The following RRAGC variants were observed in gnomAD, a reference collection of about 807,000 sequenced individuals.
RRAGC encodes the protein ras-related GTP-binding protein C.
In RRAGC, 8 loss-of-function variants were observed where a neutral mutation model predicts 37.1. The observed-to-expected ratio is 0.22, with a 90% confidence interval of 0.13 to 0.39. The LOEUF is 0.39. RRAGC is among the 10% of genes least tolerant of loss of function. The pLI, the probability that RRAGC is intolerant of heterozygous loss-of-function variation, is 1.00. For synonymous variants in RRAGC, 190 were observed against 181.1 expected, an observed-to-expected ratio of 1.05 and a Z score of -0.39; for missense variants, 342 against 497.6, an observed-to-expected ratio of 0.69 and a Z score of 2.98.
At position 38,859,685 on chromosome 1, in the gene RRAGC, G is replaced by A. The variant is rs1483249190; in HGVS notation, c.-39C>T. The stretch of plus-strand genomic sequence containing the variant: ...CCGCCGCCCGCGCCCTGACAGGCCA[G>A]GCCAGGCCGAGCCAGGCCGCCGCCT... On this transcript the variant is annotated 5_prime_UTR_variant, in exon 1 of 7. Coordinates refer to ENST00000373001, the MANE Select transcript of RRAGC (RefSeq NM_022157.4). The A allele has an allele frequency of 2.1e-6, 3 of 1,446,284 alleles. No individual in the cohort carries two copies. Among genetic ancestry groups the A allele is most frequent in the Non-Finnish European group, 2.7e-6 (3 of 1,098,494 alleles). The allele number at this position is 1,446,284 out of a possible 1,614,324, so 89.6% of individuals were successfully genotyped here.
intron 3 of RRAGC, among the ~76,000 whole-genome samples, chr1:38,855,199 C>T (rs1277054403): frequency 6.6e-6 from 1 of 151,860 alleles, no homozygotes; most frequent in Non-Finnish European, 1.5e-5. Context: ...TACAGTCAGT[C>T]CAGGGGGGAG....
At chr1:38,850,154 T>C (rs1325436167) in intron 5 of RRAGC, among the ~76,000 whole-genome samples, 2 of 150,940 alleles carry the variant, frequency 1.3e-5, no homozygotes, top group Non-Finnish European at 3.0e-5. Flanking sequence ...TGCAGTGAGC[T>C]GAGATCTCAC....
chr1:38,842,221 G>A (rs931207064), intron 6 of RRAGC, among the ~76,000 whole-genome samples: 7 of 152,122 alleles, frequency 4.6e-5, no homozygotes, highest in South Asian at 2.1e-4. Flanking sequence ...GCAGTGAGCC[G>A]AGATCGCACC....
chr1:38,849,983 G>A (rs1426227745), intron 5 of RRAGC, among the ~76,000 whole-genome samples: 7 of 151,356 alleles, frequency 4.6e-5, no homozygotes, highest in Non-Finnish European at 1.0e-4. Context: ...ACGGCGGGTG[G>A]ATCACGAGGT....
At chr1:38,843,063 C>T (rs573884534) in intron 6 of RRAGC, among the ~76,000 whole-genome samples, 1 of 152,286 alleles carries the variant, frequency 6.6e-6, no homozygotes, top group South Asian at 2.1e-4. Context: ...AGGCAGTTGG[C>T]TCTCATCTAT....
Position 38,852,158 on chromosome 1 carries a change from A to G in RRAGC, c.756+216T>C, listed in dbSNP as rs551957617. Reference sequence around the variant, plus strand: ...GGCGTTATGTGGCAATTTACAAACCATAAAAGAATTACACGTTGACATCAA... The same window carrying G: ...GGCGTTATGTGGCAATTTACAAACCGTAAAAGAATTACACGTTGACATCAA... On this transcript the variant is annotated intron_variant, in intron 4 of 6. Coordinates refer to ENST00000373001, the MANE Select transcript of RRAGC (RefSeq NM_022157.4). 6.2e-4 allele frequency among the ~76,000 whole-genome samples: 94 copies of G among 152,252 alleles called. 1 individual carries two copies. Among genetic ancestry groups the G allele is most frequent in the Non-Finnish European group, 2.4e-4 (16 of 68,042 alleles).
At chr1:38,841,764 G>C (rs1259126106) in intron 6 of RRAGC, among the ~76,000 whole-genome samples, 2 of 151,878 alleles carry the variant, frequency 1.3e-5, no homozygotes, top group East Asian at 3.9e-4. Context: ...TGTGAAGACT[G>C]CTTGAGCTCA....
chr1:38,852,214 AATAAT>A (rs1370563965), intron 4 of RRAGC, among the ~76,000 whole-genome samples, 155 bp downstream of exon 4: 1 of 152,234 alleles, frequency 6.6e-6, no homozygotes, highest in Non-Finnish European at 1.5e-5. Context: ...AAATAACTTG[AATAAT>A]ATGTTATCAT....
intron 1 of RRAGC, among the ~76,000 whole-genome samples, chr1:38,857,677 G>C (rs921418386): frequency 2.0e-5 from 3 of 152,162 alleles, no homozygotes; most frequent in African/African-American, 7.2e-5. Context: ...CACAATAATC[G>C]GCCCGGGTGC....
At chr1:38,843,950 G>A (rs775240685) in intron 6 of RRAGC, among the ~76,000 whole-genome samples, 7 of 152,130 alleles carry the variant, frequency 4.6e-5, no homozygotes, top group Non-Finnish European at 7.3e-5. Context: ...AGAACCTGGA[G>A]TGGAATCACT....
intron 6 of RRAGC, among the ~76,000 whole-genome samples, chr1:38,842,939 ATACTC>A (rs1213025723): frequency 1.3e-5 from 2 of 152,230 alleles, no homozygotes; most frequent in African/African-American, 4.8e-5. Flanking sequence ...CATTTATACA[ATACTC>A]TATTGTTTAA....
intron 5 of RRAGC, chr1:38,847,825 T>G (rs1193986864): frequency 6.6e-6 from 1 of 152,168 alleles, no homozygotes; most frequent in Non-Finnish European, 1.5e-5. Context: ...GAGGATCACT[T>G]TAGCCCTGGA....
At position 38,839,375 on chromosome 1, in the gene RRAGC, T is replaced by C. The variant is rs563228372; in HGVS notation, c.*178A>G. 356 of 482,622 alleles carry C rather than the reference T, an allele frequency of 7.4e-4. 3 individuals carry two copies. Among genetic ancestry groups the C allele is most frequent in the African/African-American group, 6.2e-3 (319 of 51,434 alleles). The allele number at this position is 482,622 out of a possible 1,614,324, so 29.9% of individuals were successfully genotyped here. On this transcript the variant is annotated 3_prime_UTR_variant, in exon 7 of 7. Transcript: ENST00000373001. ...CCATTTTCAAAAAAGATATAGTAGCTTCAGTTGTACACCACCAGTTGAAGG... is the reference window on the plus strand; with the variant it reads ...CCATTTTCAAAAAAGATATAGTAGCCTCAGTTGTACACCACCAGTTGAAGG...
chr1:38,848,137 A>G (rs925223284), intron 5 of RRAGC: 2 of 152,134 alleles, frequency 1.3e-5, no homozygotes, highest in African/African-American at 4.8e-5. Flanking sequence ...AATTCCATGC[A>G]GTTTCCAGTA....
At chr1:38,856,616 C>G (rs998320358) in intron 2 of RRAGC, 1 of 301,898 alleles carries the variant, frequency 3.3e-6, no homozygotes, top group Non-Finnish European at 6.0e-6. Flanking sequence ...AATATGGCAA[C>G]CAATAAAAGT....
intron 2 of RRAGC, among the ~76,000 whole-genome samples, chr1:38,856,485 T>G (rs1056618307): frequency 2.0e-5 from 3 of 152,222 alleles, no homozygotes; most frequent in Non-Finnish European, 4.4e-5. Flanking sequence ...AAACTCAATT[T>G]TGACAATTAA....
rs1469228105 is a variant in RRAGC, at chr1:38,839,317, T to C, written c.*236A>G. 5 of 413,904 alleles carry C rather than the reference T, an allele frequency of 1.2e-5. No individual in the cohort carries two copies. Among genetic ancestry groups the C allele is most frequent in the East Asian group, 7.0e-5 (2 of 28,412 alleles). The allele number at this position is 413,904 out of a possible 1,614,324, so 25.6% of individuals were successfully genotyped here. A position where few individuals can be genotyped will look rare whatever the true frequency, so the allele number is the denominator to read the frequency against. On this transcript the variant is annotated 3_prime_UTR_variant, in exon 7 of 7. Transcript: ENST00000373001. ...AGAGGAGAAACACACACTTGAGTTC[T>C]GTGGTCTCCAGAATTTTTTTTTTTT...
At chr1:38,856,067 CAATT>C (rs1456030663) in intron 2 of RRAGC, among the ~76,000 whole-genome samples, 160 bp from the exon 3 acceptor site, 1 of 152,082 alleles carries the variant, frequency 6.6e-6, no homozygotes, top group Non-Finnish European at 1.5e-5. Flanking sequence ...AATAACTCTT[CAATT>C]GTCTCAAGAT....
At position 38,859,440 on chromosome 1, in the gene RRAGC, G is replaced by A. The variant is rs1245478603; in HGVS notation, c.207C>T (p.Leu69=). The A allele has an allele frequency of 4.5e-6, 7 of 1,548,340 alleles. No individual in the cohort carries two copies. The highest frequency in any genetic ancestry group is 6.1e-6 in the Non-Finnish European group (7 of 1,146,632). ...GGATGGAGGACTTGCCGCTGCGCCG[G>A]AGTCCCATGAGCAGAATCCTCGGCT... The part of the protein sequence containing the change: ...SSKPRILLMG[L]RRSGKSSIQK... The change falls in exon 1 of 7, where the codon CTC becomes CTT. Residue 69 remains leucine, a synonymous_variant. Coordinates refer to ENST00000373001, the MANE Select transcript of RRAGC (RefSeq NM_022157.4).
Sources: gnomAD v4.1 joint callset for allele counts (sites outside exome capture counted in the v4.1 genomes callset) on GRCh38, gnomAD v4.1.1 for gene constraint, MANE v1.5 for transcripts, NCBI Gene and HGNC (gene_info 2026-07-23, HGNC 2026-07-21) for gene names.